Variants in DNAL4 observed in about 807,000 individuals in gnomAD.
The protein encoded by DNAL4 is dynein light chain, outer arm 4.
DNAL4 carries 10 observed loss-of-function variants against 12.6 expected under a neutral mutation model. The observed-to-expected ratio is 0.79, with a 90% CI of 0.49 to 1.34. DNAL4 has a LOEUF of 1.34. Ranked by LOEUF, DNAL4 falls within the 40% of genes most tolerant of loss-of-function variation. The probability of loss-of-function intolerance (pLI) is 0.00; values close to 1 mark genes in which losing one functional copy is unlikely to be tolerated. For missense variants in DNAL4, 128 were observed against 138.1 expected, an observed-to-expected ratio of 0.93 and a Z score of 0.37; for synonymous variants, 46 against 53.1, an observed-to-expected ratio of 0.87 and a Z score of 0.58.
chr22:38,789,822 G>C (rs1344673316), intron 1 of DNAL4, among the ~76,000 whole-genome samples: 3 of 152,208 alleles, frequency 2.0e-5, no homozygotes, highest in African/African-American at 7.2e-5. Flanking sequence ...AGGAAGAATT[G>C]CAACAGGTGG....
chr22:38,788,881 T>C (rs1186901931), intron 1 of DNAL4, among the ~76,000 whole-genome samples: 1 of 152,268 alleles, frequency 6.6e-6, no homozygotes, highest in African/African-American at 2.4e-5. Flanking sequence ...ACGACTTAAC[T>C]GTGCCCGTGA....
At chr22:38,784,915 A>G (rs1054315230) in intron 1 of DNAL4, among the ~76,000 whole-genome samples, 3 of 151,658 alleles carry the variant, frequency 2.0e-5, no homozygotes, top group Non-Finnish European at 4.4e-5. Context: ...CCCCGCTCCA[A>G]TGACTCGGTG....
chr22:38,779,401 T>A lies in DNAL4; in HGVS notation c.*48A>T. 6.5e-7 allele frequency: 1 copy of A among 1,535,446 alleles called. No individual in the cohort carries two copies. Among genetic ancestry groups the A allele is most frequent in the Non-Finnish European group, 8.8e-7 (1 of 1,136,964 alleles). ...GCCTAGGGCTGCTCCCCACCCCAGA[T>A]GAGTGGCAGGAAAAGGCCCTGCAGG... On this transcript the variant is annotated 3_prime_UTR_variant, in exon 4 of 4. Transcript: ENST00000216068. The surrounding 1 kb of genome is among the most constrained non-coding windows in gnomAD (Gnocchi z 4.3).
At chr22:38,792,334 G>A (rs1266577894) in intron 1 of DNAL4, among the ~76,000 whole-genome samples, 1 of 150,044 alleles carries the variant, frequency 6.7e-6, no homozygotes, top group Non-Finnish European at 1.5e-5. Flanking sequence ...CCAGGCTTGA[G>A]CGCAATGGCG....
chr22:38,787,388 C>T (rs767417752), intron 1 of DNAL4, among the ~76,000 whole-genome samples: 20 of 151,970 alleles, frequency 1.3e-4, no homozygotes, highest in African/African-American at 2.2e-4. Context: ...ATTACAGGTA[C>T]GCGCCACCAC....
intron 1 of DNAL4, among the ~76,000 whole-genome samples, chr22:38,786,391 T>G (rs914347679): frequency 3.9e-5 from 6 of 152,158 alleles, no homozygotes; most frequent in African/African-American, 1.4e-4. Flanking sequence ...AAACCCTGTC[T>G]CTACTAAAAA....
chr22:38,788,133 A>C (rs2093045198), intron 1 of DNAL4, among the ~76,000 whole-genome samples: 1 of 152,122 alleles, frequency 6.6e-6, no homozygotes, highest in African/African-American at 2.4e-5. Flanking sequence ...CCTTCTAGCG[A>C]ACAAATGAAG....
intron 1 of DNAL4, among the ~76,000 whole-genome samples, chr22:38,786,676 A>T (rs1274588627): frequency 2.0e-5 from 3 of 152,228 alleles, no homozygotes; most frequent in Non-Finnish European, 4.4e-5. Flanking sequence ...GTGCAAAGCC[A>T]GGGGCAGCCT....
At chr22:38,793,302 G>C (rs538169584) in intron 1 of DNAL4, among the ~76,000 whole-genome samples, 1 of 152,302 alleles carries the variant, frequency 6.6e-6, no homozygotes, top group East Asian at 1.9e-4. Context: ...GTGGTGAAGA[G>C]ACAAAGGAAA....
At chr22:38,781,332 A>G (rs1603239133) in intron 2 of DNAL4, among the ~76,000 whole-genome samples, 1 of 152,112 alleles carries the variant, frequency 6.6e-6, no homozygotes, top group Non-Finnish European at 1.5e-5. Context: ...ACGGAATCTC[A>G]CCCCGGAGGC....
chr22:38,793,840 G>A (rs2146172610), intron 1 of DNAL4, among the ~76,000 whole-genome samples: 1 of 152,028 alleles, frequency 6.6e-6, no homozygotes, highest in Non-Finnish European at 1.5e-5. Context: ...GGGAAGAGCA[G>A]CCGGCAGAGT....
rs1331529859 is a variant in DNAL4 at position 38,782,452 on chromosome 22, G to T, written c.69+211C>A. On this transcript the variant is annotated intron_variant, in intron 2 of 3. Coordinates refer to ENST00000216068, the MANE Select transcript of DNAL4 (RefSeq NM_005740.3). This position sits in a 1 kb window ranked among gnomAD's most constrained non-coding sequence, Gnocchi z 5.1. ...CCATCCCCACAGTGCCTAGAACAGT[G>T]CCCGGCATAGAGTAGGTGGCCCAAT... 6.6e-6 allele frequency among the ~76,000 whole-genome samples: 1 copy of T among 152,176 alleles called. No homozygotes were observed. Among genetic ancestry groups the T allele is most frequent in the Non-Finnish European group, 1.5e-5 (1 of 68,032 alleles).
At chr22:38,780,820 C>T (rs1229615842) in intron 3 of DNAL4, 106 bp downstream of exon 3, 3 of 1,134,952 alleles carry the variant, frequency 2.6e-6, no homozygotes, top group African/African-American at 1.5e-5. Flanking sequence ...GCTCTGGCCT[C>T]ATCCTAGCAG....
chr22:38,793,388 G>A (rs1444337245), intron 1 of DNAL4, among the ~76,000 whole-genome samples: 1 of 152,232 alleles, frequency 6.6e-6, no homozygotes, highest in Non-Finnish European at 1.5e-5. Context: ...CAAAGGAGAT[G>A]CACCGACGTA....
chr22:38,781,336 C>T (rs73884539), intron 2 of DNAL4, among the ~76,000 whole-genome samples: 1 of 152,246 alleles, frequency 6.6e-6, no homozygotes, highest in African/African-American at 2.4e-5. Context: ...AATCTCACCC[C>T]GGAGGCCCGA....
intron 1 of DNAL4, among the ~76,000 whole-genome samples, chr22:38,792,090 TCCATAATAAGTTAA>T (rs1251229015): frequency 1.3e-5 from 2 of 152,296 alleles, no homozygotes; most frequent in East Asian, 3.9e-4. Flanking sequence ...TTTTCTTTCT[TCCATAATAAGTTAA>T]CCTTAGCTTA....
intron 3 of DNAL4, 149 bp downstream of exon 3, chr22:38,780,777 T>C: frequency 1.3e-6 from 1 of 767,604 alleles, no homozygotes; most frequent in South Asian, 1.8e-5. Flanking sequence ...TCTCACTCAC[T>C]GACTTTCCCC....
chr22:38,782,622 G>A lies in DNAL4; in HGVS notation c.69+41C>T, dbSNP rs776528001. ...CCACCCACCTCTCTCCAGGCTGTGT[G>A]GGCCCTGCCGGCAGTCCTGCCTCCC... On this transcript the variant is annotated intron_variant, in intron 2 of 3. Transcript: ENST00000216068. This position sits in a 1 kb window ranked among gnomAD's most constrained non-coding sequence, Gnocchi z 5.1. The A allele has an allele frequency of 6.2e-7, 1 of 1,605,028 alleles. No individual in the cohort carries two copies. Among genetic ancestry groups the A allele is most frequent in the South Asian group, 1.1e-5 (1 of 90,388 alleles).
chr22:38,793,729 A>T (rs1383869187), intron 1 of DNAL4, among the ~76,000 whole-genome samples: 1 of 151,974 alleles, frequency 6.6e-6, no homozygotes. Flanking sequence ...ACCCCGCGGG[A>T]GAGGGAATTA....
Sources: gnomAD v4.1 joint callset for allele counts (sites outside exome capture counted in the v4.1 genomes callset) on GRCh38, gnomAD v4.1.1 for gene constraint, Gnocchi (gnomAD v3.1) non-coding constraint, MANE v1.5 for transcripts, NCBI Gene and HGNC (gene_info 2026-07-23, HGNC 2026-07-21) for gene names.